The following KIF20B variants were observed in gnomAD, a reference collection of about 807,000 sequenced individuals.
KIF20B encodes the protein kinesin family member 20B, also known as kinesin-like protein KIF20B.
In KIF20B, 188 loss-of-function variants were observed where a neutral mutation model predicts 232.5. That is an observed-to-expected ratio of 0.81 (90% CI 0.72 to 0.91). The LOEUF is 0.91. Among genes scored for constraint, KIF20B ranks in the 40% least tolerant of loss-of-function variants. The pLI is 0.00. For missense variants in KIF20B, 2,154 were observed against 2,055.9 expected, an observed-to-expected ratio of 1.05 and a Z score of -0.92; for synonymous variants, 712 against 683.0, an observed-to-expected ratio of 1.04 and a Z score of -0.66.
In KIF20B at chr10:89,751,222, C is replaced by A; in HGVS notation, c.4097-124C>A. The A allele has an allele frequency of 4.2e-6, 3 of 711,514 alleles. No homozygotes were observed. In the South Asian group the frequency reaches 6.3e-5, roughly 15 times the overall value. The allele number at this position is 711,514 out of a possible 1,614,324, so 44.1% of individuals were successfully genotyped here. The stretch of plus-strand genomic sequence containing the variant: ...TATTGCGATGAATAAGACAAAGTTT[C>A]TGTCTATATGGAACTAATATTCTAT... On this transcript the variant is annotated intron_variant, in intron 23 of 32. Coordinates refer to ENST00000371728, the MANE Select transcript of KIF20B (RefSeq NM_001284259.2).
intron 28 of KIF20B, among the ~76,000 whole-genome samples, chr10:89,760,866 A>G (rs535294882): frequency 1.3e-5 from 2 of 152,316 alleles, no homozygotes; most frequent in African/African-American, 4.8e-5. Context: ...TAATAGAAAC[A>G]AACTTGATGG....
intron 22 of KIF20B, among the ~76,000 whole-genome samples, chr10:89,745,223 TA>T (rs1466119912): frequency 2.6e-5 from 4 of 152,238 alleles, no homozygotes; most frequent in Non-Finnish European, 4.4e-5. Context: ...AACCGGGTCA[TA>T]ACGTAGATTA....
At chr10:89,746,326 A>G (rs908677028) in intron 23 of KIF20B, among the ~76,000 whole-genome samples, 4 of 152,218 alleles carry the variant, frequency 2.6e-5, no homozygotes, top group African/African-American at 9.6e-5. Flanking sequence ...ATGGGCGTGT[A>G]GAAGGTTTTA....
intron 25 of KIF20B, 111 bp downstream of exon 25, chr10:89,752,802 A>T: frequency 1.4e-6 from 1 of 693,152 alleles, no homozygotes; most frequent in Non-Finnish European, 2.1e-6. Flanking sequence ...TATGGGTGAA[A>T]TAATACCTGG....
chr10:89,768,195 G>T, intron 29 of KIF20B, 95 bp from the exon 30 acceptor site: 1 of 763,588 alleles, frequency 1.3e-6, no homozygotes, highest in Admixed American at 2.7e-5. Context: ...ACTGTTTTAA[G>T]TGATAATGTA....
Position 89,752,556 on chromosome 10 carries a change from C to T in KIF20B, c.4223-11C>T, listed in dbSNP as rs780443415. 34 of 1,582,008 alleles carry T rather than the reference C, an allele frequency of 2.1e-5. No homozygotes were observed. The highest frequency in any genetic ancestry group is 2.9e-5 in the Non-Finnish European group (34 of 1,163,224). On this transcript the variant is annotated splice_polypyrimidine_tract_variant and intron_variant, in intron 24 of 32. Coordinates refer to ENST00000371728, the MANE Select transcript of KIF20B (RefSeq NM_001284259.2). ...TATGCTTTAAAACATAATTTTATGT[C>T]TTCAAATCAGAATTGGAAAAATGGA... is the stretch of plus-strand genomic sequence containing the variant.
At chr10:89,736,343 A>G (rs146266670) in intron 19 of KIF20B, among the ~76,000 whole-genome samples, 1 of 141,830 alleles carries the variant, frequency 7.1e-6, no homozygotes, top group East Asian at 2.0e-4. Flanking sequence ...ATATTTCAAG[A>G]TTTAATCATG....
chr10:89,744,036 A>G, intron 22 of KIF20B, 109 bp downstream of exon 22: 1 of 838,786 alleles, frequency 1.2e-6, no homozygotes. Context: ...GACTTTTTCT[A>G]GAATCTAGAA....
rs758880025 is a variant in KIF20B at position 89,738,446 on chromosome 10, A to G, written c.3605A>G (p.Lys1202Arg). ...ATCTTAAAGCTAGAAAGAAATTTGAAGGAATTTCAAGAACATCTTCAGGAT... is the reference window on the plus strand; with the variant it reads ...ATCTTAAAGCTAGAAAGAAATTTGAGGGAATTTCAAGAACATCTTCAGGAT... ...SIILKLERNL[K>R]EFQEHLQDSV... The change falls in exon 20 of 33, where the codon AAG (lysine) becomes AGG (arginine). Residue 1202 changes from lysine to arginine, a missense_variant. Lys to Arg is a conservative substitution (Grantham distance 26). Coordinates refer to ENST00000371728, the MANE Select transcript of KIF20B (RefSeq NM_001284259.2). 3.7e-6 allele frequency: 6 copies of G among 1,603,250 alleles called. No individual in the cohort carries two copies. The highest frequency in any genetic ancestry group is 1.7e-4 in the Middle Eastern group (1 of 6,006).
At chr10:89,738,702 C>G in intron 20 of KIF20B, 85 bp downstream of exon 20, 1 of 1,433,074 alleles carries the variant, frequency 7.0e-7, no homozygotes, top group Non-Finnish European at 9.2e-7. Flanking sequence ...GATAGTCATA[C>G]TTAATCTGGT....
rs3758387 is a variant in KIF20B, at chr10:89,729,170, A to G, written c.2314A>G (p.Ile772Val). 3.4e-6 allele frequency: 5 copies of G among 1,461,284 alleles called. No homozygotes were observed. Among genetic ancestry groups the G allele is most frequent in the East Asian group, 5.1e-5 (2 of 39,164 alleles). The allele number at this position is 1,461,284 out of a possible 1,614,324, so 90.5% of individuals were successfully genotyped here. Reference sequence around the variant, plus strand: ...TCAAAGAATTAAAGAATTGATAAATATAATTGATCAAAAAGAAGATACTAT... The same window carrying G: ...TCAAAGAATTAAAGAATTGATAAATGTAATTGATCAAAAAGAAGATACTAT... ...QNQRIKELIN[I>V]IDQKEDTINE... The change falls in exon 18 of 33, where the codon ATA becomes GTA. Residue 772 changes from isoleucine to valine, a missense_variant. Physicochemically the swap from Ile to Val is conservative, Grantham distance 29 (BLOSUM62 3). Transcript: ENST00000371728.
rs1425047456 is a variant in KIF20B at position 89,718,786 on chromosome 10, AT to A, written c.1351del (p.Cys451ValfsTer2). ...AAGTTTTTTTAATGGTAAAGGGAAA[AT>A]TTGTATGATTGTCAATATCAGCCAA... ...FQSFFNGKGK[I>X]CMIVNISQCY... On this transcript the variant is annotated frameshift_variant, in exon 12 of 33. Transcript: ENST00000371728. LOFTEE classifies it high-confidence loss of function. The A allele has an allele frequency of 6.2e-7, 1 of 1,610,318 alleles. No homozygotes were observed. Among genetic ancestry groups the A allele is most frequent in the East Asian group, 2.2e-5 (1 of 44,778 alleles).
At chr10:89,753,496 G>A (rs1276119404) in intron 25 of KIF20B, among the ~76,000 whole-genome samples, 3 of 152,146 alleles carry the variant, frequency 2.0e-5, no homozygotes, top group Non-Finnish European at 4.4e-5. Context: ...TATTGAGAAT[G>A]TTTGCATTAA....
rs117258675 is a variant in KIF20B, at chr10:89,760,611, T to A, written c.4766T>A (p.Phe1589Tyr). 4.7e-3 allele frequency: 7,569 copies of A among 1,609,354 alleles called. 24 individuals carry two copies. The highest frequency in any genetic ancestry group is 5.5e-3 in the Non-Finnish European group (6,426 of 1,175,966). Residue 1589 changes from phenylalanine to tyrosine, a missense_variant, in exon 28 of 33, where the codon TTT becomes TAT. Coordinates refer to ENST00000371728, the MANE Select transcript of KIF20B (RefSeq NM_001284259.2). ...CAAACTGAACCTCTATCGACAAGTT[T>A]TGAAATTTCCAGAAATAAAATAGAG... ...KLQTEPLSTSFEISRNKIEDG... is the reference protein window; with the variant it reads ...KLQTEPLSTSYEISRNKIEDG...
chr10:89,752,832 A>G (rs1842048479), intron 25 of KIF20B, 141 bp downstream of exon 25: 3 of 537,274 alleles, frequency 5.6e-6, no homozygotes, highest in South Asian at 4.1e-5. Context: ...ATATGTAAAT[A>G]TAACTTTTCA....
intron 13 of KIF20B, chr10:89,723,680 T>C: frequency 5.5e-6 from 1 of 183,180 alleles, no homozygotes; most frequent in Non-Finnish European, 1.1e-5. Flanking sequence ...TAGTTCTTGA[T>C]AGATAATAAA....
intron 21 of KIF20B, among the ~76,000 whole-genome samples, chr10:89,740,226 G>T (rs1564667999): frequency 9.9e-6 from 1 of 101,240 alleles, no homozygotes; most frequent in African/African-American, 3.7e-5. Context: ...CATTTTAATT[G>T]TGCTGTCTTT....
At chr10:89,739,231 GTTAC>G (rs1841740474) in intron 21 of KIF20B, 135 bp downstream of exon 21, 1 of 907,800 alleles carries the variant, frequency 1.1e-6, no homozygotes, top group Admixed American at 3.3e-5. Flanking sequence ...TACAAGAACA[GTTAC>G]TTCACGAGAG....
Position 89,737,391 on chromosome 10 carries a change from T to C in KIF20B, c.2550T>C (p.Ser850=), listed in dbSNP as rs1286808060. 1 of 1,550,884 alleles carries C rather than the reference T, an allele frequency of 6.4e-7. No individual in the cohort carries two copies. The highest frequency in any genetic ancestry group is 1.4e-5 in the African/African-American group (1 of 71,878). ...ACAATTTTCTTATTTTTAAAGGGTC[T>C]ATCCATGTTAGTTCAGCTATCACTG... The part of the protein sequence containing the change: ...QQDEPPAKKG[S]IHVSSAITED... Residue 850 remains serine, a synonymous_variant, in exon 20 of 33, where the codon TCT becomes TCC. Coordinates refer to ENST00000371728, the MANE Select transcript of KIF20B (RefSeq NM_001284259.2).
Sources: gnomAD v4.1 joint callset for allele counts (sites outside exome capture counted in the v4.1 genomes callset) on GRCh38, gnomAD v4.1.1 for gene constraint, MANE v1.5 for transcripts, NCBI Gene and HGNC (gene_info 2026-07-23, HGNC 2026-07-21) for gene names.